NPHP4: variants seen among roughly 807,000 people sequenced by gnomAD.
The protein encoded by NPHP4 is nephrocystin-4.
A neutral mutation model predicts 155.8 loss-of-function variants in NPHP4; 151 were observed. The ratio of observed to expected loss-of-function variants is 0.97; its 90% CI spans 0.85 to 1.11. NPHP4 has a LOEUF of 1.11. Among genes scored for constraint, NPHP4 ranks in the 50% least tolerant of loss-of-function variants. NPHP4 has a pLI of 0.00. For synonymous variants in NPHP4, 845 were observed against 816.8 expected (o/e 1.03, Z -0.59); for missense variants, 1,956 against 1,925.7 (o/e 1.02, Z -0.29).
intron 9 of NPHP4, among the ~76,000 whole-genome samples, chr1:5,940,416 G>C (rs1391564913): frequency 1.3e-5 from 2 of 152,120 alleles, no homozygotes; most frequent in East Asian, 3.8e-4. Flanking sequence ...AAATGACCCA[G>C]TCTGTGGTAT....
intron 11 of NPHP4, among the ~76,000 whole-genome samples, chr1:5,914,487 G>A (rs186358256): frequency 4.6e-5 from 7 of 152,100 alleles, no homozygotes; most frequent in African/African-American, 1.4e-4. Context: ...GCCAGGCTGC[G>A]GTGTCCATGT....
At chr1:5,886,749 C>T in intron 18 of NPHP4, 1 of 153,046 alleles carries the variant, frequency 6.5e-6, no homozygotes, top group Non-Finnish European at 1.5e-5. Context: ...CCCTCCTGAG[C>T]CACCCAACCC....
intron 5 of NPHP4, among the ~76,000 whole-genome samples, chr1:5,962,761 T>C (rs1055403440): frequency 6.6e-6 from 1 of 152,138 alleles, no homozygotes; most frequent in African/African-American, 2.4e-5. Context: ...TCTGGAGAAA[T>C]GACACCCGGG....
At chr1:5,959,240 C>G (rs1649849646) in intron 6 of NPHP4, among the ~76,000 whole-genome samples, 1 of 152,188 alleles carries the variant, frequency 6.6e-6, no homozygotes, top group Admixed American at 6.5e-5. Flanking sequence ...TTGCAATGTT[C>G]TAGGCACTGC....
At chr1:5,955,545 T>TA (rs1456028634) in intron 6 of NPHP4, among the ~76,000 whole-genome samples, 4 of 152,380 alleles carry the variant, frequency 2.6e-5, no homozygotes, top group Non-Finnish European at 5.9e-5. Flanking sequence ...ATGGAGTACT[T>TA]ACGCAACCAC....
intron 19 of NPHP4, 29 bp downstream of exon 19, chr1:5,880,085 C>G (rs1237998284): frequency 6.2e-7 from 1 of 1,612,390 alleles, no homozygotes; most frequent in Non-Finnish European, 8.5e-7. Flanking sequence ...ACGACCCACC[C>G]ACACATGGGC....
intron 10 of NPHP4, 75 bp downstream of exon 10, chr1:5,933,072 G>C: frequency 8.3e-7 from 1 of 1,204,178 alleles, no homozygotes; most frequent in Non-Finnish European, 1.2e-6. Flanking sequence ...ACATATTTGT[G>C]AACTTTTGCT....
intron 10 of NPHP4, among the ~76,000 whole-genome samples, chr1:5,930,411 T>G (rs911671010): frequency 7.9e-5 from 12 of 152,232 alleles, no homozygotes; most frequent in African/African-American, 2.9e-4. Context: ...ATCTTTTTTC[T>G]GTTCTAATAT....
intron 18 of NPHP4, among the ~76,000 whole-genome samples, chr1:5,885,924 T>C (rs899148429): frequency 1.3e-5 from 2 of 152,158 alleles, no homozygotes; most frequent in African/African-American, 2.4e-5. Flanking sequence ...AACCTCTCCC[T>C]CTCCCGTCAG....
rs1344908896 is a variant in NPHP4, at chr1:5,890,695, TC to T, written c.2304+172del. ...AGAATTCAGACAGTGAAAAATCTTT[TC>T]CTTTCAAGAAACAGAGAATGCAGCA... On this transcript the variant is annotated intron_variant, in intron 17 of 29. Transcript: ENST00000378156. This position sits in a 1 kb window ranked among gnomAD's most constrained non-coding sequence, Gnocchi z 4.9. Among the ~76,000 whole-genome samples the T allele has an allele frequency of 2.0e-5, 3 of 152,166 alleles. No individual in the cohort carries two copies. Among genetic ancestry groups the T allele is most frequent in the Non-Finnish European group, 4.4e-5 (3 of 68,024 alleles).
rs540070179 is a variant in NPHP4, at chr1:5,905,797, G to C, written c.1612-14C>G. On this transcript the variant is annotated splice_polypyrimidine_tract_variant and intron_variant, in intron 13 of 29. Coordinates refer to ENST00000378156, the MANE Select transcript of NPHP4 (RefSeq NM_015102.5). The surrounding 1 kb of genome is among the most constrained non-coding windows in gnomAD (Gnocchi z 4.0). ...CGGGAACTCCTGCTGAACAAAACGA[G>C]GGCTTCCAAGTGAGGCCACCAAGGA... is the stretch of plus-strand genomic sequence containing the variant. The C allele has an allele frequency of 6.3e-7, 1 of 1,593,510 alleles. No individual in the cohort carries two copies. The highest frequency in any genetic ancestry group is 1.8e-5 in the Admixed American group (1 of 57,088).
At chr1:5,903,189 C>T (rs1644757025) in intron 16 of NPHP4, among the ~76,000 whole-genome samples, 1 of 152,214 alleles carries the variant, frequency 6.6e-6, no homozygotes, top group Non-Finnish European at 1.5e-5. Flanking sequence ...GTCTAGAACT[C>T]CCATGATTGT....
At chr1:5,891,934 G>A (rs1644149703) in intron 16 of NPHP4, among the ~76,000 whole-genome samples, 1 of 152,256 alleles carries the variant, frequency 6.6e-6, no homozygotes, top group African/African-American at 2.4e-5. Context: ...CCGGACAGGG[G>A]ACCTAGGGGG....
chr1:5,959,979 A>C (rs1204053938), intron 6 of NPHP4, among the ~76,000 whole-genome samples: 1 of 152,238 alleles, frequency 6.6e-6, no homozygotes, highest in South Asian at 2.1e-4. Context: ...CAAGCAGGCG[A>C]CATCTCACAG....
At chr1:5,964,941 A>ATTTTTTTTTTTTTTTT (rs55734317) in intron 5 of NPHP4, among the ~76,000 whole-genome samples, 4 of 59,422 alleles carry the variant, frequency 6.7e-5, no homozygotes, top group African/African-American at 3.4e-4. Flanking sequence ...ATATATATAT[A>ATTTTTTTTTTTTTTTT]TTTTTTTTTT....
intron 16 of NPHP4, among the ~76,000 whole-genome samples, chr1:5,891,306 GGAA>G (rs1644113278): frequency 2.6e-5 from 4 of 152,184 alleles, no homozygotes; most frequent in Non-Finnish European, 4.4e-5. Flanking sequence ...AAGATGGATG[GGAA>G]CAAATGTCCT....
At chr1:5,967,474 C>A in intron 4 of NPHP4, 111 bp from the exon 5 acceptor site, 1 of 789,674 alleles carries the variant, frequency 1.3e-6, no homozygotes, top group Non-Finnish European at 2.1e-6. Flanking sequence ...CTAAACTCCA[C>A]CAGTCCCATC....
At chr1:5,900,366 TATC>T (rs1644609341) in intron 16 of NPHP4, among the ~76,000 whole-genome samples, 1 of 152,182 alleles carries the variant, frequency 6.6e-6, no homozygotes, top group Non-Finnish European at 1.5e-5. Context: ...TGCAATGAAG[TATC>T]ATTCAGCAAT....
intron 9 of NPHP4, among the ~76,000 whole-genome samples, chr1:5,945,517 C>T (rs1647043308): frequency 6.6e-6 from 1 of 152,162 alleles, no homozygotes; most frequent in South Asian, 2.1e-4. Flanking sequence ...ATCATAGGGA[C>T]CGGAGGCATG....
Sources: gnomAD v4.1 joint callset for allele counts (sites outside exome capture counted in the v4.1 genomes callset) on GRCh38, gnomAD v4.1.1 for gene constraint, Gnocchi (gnomAD v3.1) non-coding constraint, MANE v1.5 for transcripts, NCBI Gene and HGNC (gene_info 2026-07-23, HGNC 2026-07-21) for gene names.